Variants in RHOA observed in about 807,000 individuals in gnomAD.
RHOA encodes transforming protein RhoA.
Under a neutral mutation model 17.5 loss-of-function variants are expected in RHOA, and 3 were observed. The observed-to-expected ratio is 0.17, with a 90% CI of 0.08 to 0.44. RHOA has a LOEUF of 0.44. Ranked by LOEUF, RHOA falls within the 20% of genes least tolerant of loss-of-function variation. The probability of loss-of-function intolerance (pLI) is 0.99; values close to 1 mark genes in which losing one functional copy is unlikely to be tolerated. For synonymous variants in RHOA, 98 were observed against 88.4 expected (o/e 1.11, Z -0.61); for missense variants, 56 against 242.3 (o/e 0.23, Z 5.10).
At chr3:49,361,963 A>C (rs1305646219) in intron 4 of RHOA, among the ~76,000 whole-genome samples, 1 of 152,096 alleles carries the variant, frequency 6.6e-6, no homozygotes, top group Non-Finnish European at 1.5e-5. Context: ...AAAAGTGGGC[A>C]GATCACTTGA....
chr3:49,382,627 C>A (rs544053607), intron 1 of RHOA, among the ~76,000 whole-genome samples: 1 of 151,518 alleles, frequency 6.6e-6, no homozygotes, highest in East Asian at 2.0e-4. Context: ...CACAGTAAGA[C>A]CCTGTCTCAC....
At chr3:49,367,361 A>AAAAAAAAAAAAAAAAAAAAAAAAT (rs1326394565) in intron 3 of RHOA, among the ~76,000 whole-genome samples, 1 of 148,896 alleles carries the variant, frequency 6.7e-6, no homozygotes, top group Non-Finnish European at 1.5e-5. Flanking sequence ...AAAAAAAAAA[A>AAAAAAAAAAAAAAAAAAAAAAAAT]AAAAAGAATA....
chr3:49,400,809 G>A (rs1398448268), intron 1 of RHOA, among the ~76,000 whole-genome samples: 1 of 151,940 alleles, frequency 6.6e-6, no homozygotes, highest in Non-Finnish European at 1.5e-5. Context: ...ACTTTGGGAG[G>A]CCGAGGCGGG....
chr3:49,395,985 A>G (rs2048608624), intron 1 of RHOA, among the ~76,000 whole-genome samples: 1 of 152,136 alleles, frequency 6.6e-6, no homozygotes, highest in Admixed American at 6.6e-5. Context: ...TGGAATGGAG[A>G]GGGGCAGTGA....
At chr3:49,410,566 C>A (rs1485601959) in intron 1 of RHOA, among the ~76,000 whole-genome samples, 4 of 152,224 alleles carry the variant, frequency 2.6e-5, no homozygotes, top group Non-Finnish European at 5.9e-5. Flanking sequence ...ATAAGTCATT[C>A]TTTACAATTA....
intron 2 of RHOA, among the ~76,000 whole-genome samples, chr3:49,369,005 C>CTTTTT: frequency 1.2e-5 from 1 of 84,286 alleles, no homozygotes; most frequent in Non-Finnish European, 2.1e-5. Flanking sequence ...CCGCGCCTGG[C>CTTTTT]CTTTTTTTTT....
intron 1 of RHOA, among the ~76,000 whole-genome samples, chr3:49,381,937 T>A (rs1382426454): frequency 6.6e-6 from 1 of 150,946 alleles, no homozygotes; most frequent in Non-Finnish European, 1.5e-5. Flanking sequence ...TGTAATCCCA[T>A]CTACTCAGGA....
At chr3:49,378,145 T>G (rs1274395631) in intron 1 of RHOA, among the ~76,000 whole-genome samples, 2 of 118,574 alleles carry the variant, frequency 1.7e-5, no homozygotes, top group Non-Finnish European at 3.2e-5. Flanking sequence ...CACTCCAGCC[T>G]GGGCAACAGA....
intron 1 of RHOA, among the ~76,000 whole-genome samples, chr3:49,394,387 G>C (rs1047141464): frequency 6.6e-6 from 1 of 151,716 alleles, no homozygotes; most frequent in Non-Finnish European, 1.5e-5. Context: ...GTCTCTCTCT[G>C]TTGCCCAGGC....
chr3:49,363,325 C>A (rs2048002069), intron 3 of RHOA, among the ~76,000 whole-genome samples: 1 of 152,102 alleles, frequency 6.6e-6, no homozygotes. Context: ...GAGGCTGAGG[C>A]AGGAGAATGG....
intron 1 of RHOA, among the ~76,000 whole-genome samples, chr3:49,379,346 TAG>T (rs2048282349): frequency 6.6e-6 from 1 of 151,982 alleles, no homozygotes; most frequent in Non-Finnish European, 1.5e-5. Flanking sequence ...AAAGAGAAAA[TAG>T]ACTGGTAGTT....
chr3:49,401,793 T>C (rs2048728366), intron 1 of RHOA, among the ~76,000 whole-genome samples: 1 of 152,184 alleles, frequency 6.6e-6, no homozygotes, highest in Non-Finnish European at 1.5e-5. Context: ...TTATACTTAC[T>C]GGTTCAGTAT....
chr3:49,391,558 T>C (rs1220250346), intron 1 of RHOA, among the ~76,000 whole-genome samples: 12 of 152,154 alleles, frequency 7.9e-5, no homozygotes, highest in Non-Finnish European at 1.0e-4. Context: ...ACTTTCTTTT[T>C]TTAAGACAGA....
chr3:49,377,954 G>A (rs1055830930), intron 1 of RHOA, among the ~76,000 whole-genome samples: 2 of 151,808 alleles, frequency 1.3e-5, no homozygotes, highest in Non-Finnish European at 2.9e-5. Context: ...TTCGAGACCA[G>A]CCTGACCAAC....
intron 1 of RHOA, among the ~76,000 whole-genome samples, chr3:49,404,458 A>ACACAC (rs10527314): frequency 6.8e-6 from 1 of 146,780 alleles, no homozygotes; most frequent in Admixed American, 6.9e-5. Context: ...ACACACACAC[A>ACACAC]AAATTAGCCG....
At chr3:49,385,342 T>A (rs2048379831) in intron 1 of RHOA, among the ~76,000 whole-genome samples, 1 of 150,470 alleles carries the variant, frequency 6.6e-6, no homozygotes, top group African/African-American at 2.4e-5. Context: ...TGCCTCAGCC[T>A]CCCAAATAGC....
At position 49,359,598 on chromosome 3, in the gene RHOA, AATACTACATCTAGTCTGGGG is replaced by A; in HGVS notation, c.*591_*610del. On this transcript the variant is annotated 3_prime_UTR_variant, in exon 5 of 5. Coordinates refer to ENST00000418115, the MANE Select transcript of RHOA (RefSeq NM_001664.4). Reference sequence around the variant, plus strand: ...TATTAGGAAATCCAATTATACAAAAAATACTACATCTAGTCTGGGGTAGATATATTTATTTTTGGTAACAT... The same window carrying A: ...TATTAGGAAATCCAATTATACAAAAATAGATATATTTATTTTTGGTAACAT... 1 of 207,026 alleles carries A rather than the reference AATACTACATCTAGTCTGGGG, an allele frequency of 4.8e-6. No homozygotes were observed. The highest frequency in any genetic ancestry group is 9.9e-6 in the Non-Finnish European group (1 of 101,254). 12.8% of individuals were successfully genotyped at this position (207,026 alleles called of 1,614,324 possible).
At chr3:49,393,727 T>TGA (rs1439102234) in intron 1 of RHOA, among the ~76,000 whole-genome samples, 1,774 of 132,232 alleles carry the variant, frequency 0.013, 97 homozygotes, top group African/African-American at 0.038. Context: ...TGTGTGTGTG[T>TGA]GTGACAGAAT....
chr3:49,369,826 G>T (rs907657953), intron 2 of RHOA, among the ~76,000 whole-genome samples: 16 of 152,168 alleles, frequency 1.1e-4, no homozygotes, highest in Non-Finnish European at 1.8e-4. Flanking sequence ...CCAGCACTTT[G>T]GGAGGCCAAG....
Sources: allele counts gnomAD v4.1 joint callset (sites outside exome capture counted in the v4.1 genomes callset), GRCh38; gene constraint gnomAD v4.1.1; transcripts MANE v1.5; gene names NCBI Gene and HGNC (gene_info 2026-07-23, HGNC 2026-07-21).